NOD1: variants seen among roughly 807,000 people sequenced by gnomAD.
NOD1 encodes the protein nucleotide binding oligomerization domain containing 1.
Under a neutral mutation model 81.2 loss-of-function variants are expected in NOD1, and 70 were observed. The ratio of observed to expected loss-of-function variants is 0.86; its 90% CI spans 0.71 to 1.05. The LOEUF is 1.05. Among genes scored for constraint, NOD1 ranks in the 50% least tolerant of loss-of-function variants. NOD1 has a pLI of 0.00. For synonymous variants in NOD1, 508 were observed against 526.9 expected (o/e 0.96, Z 0.49); for missense variants, 1,233 against 1,228.0 (o/e 1.00, Z -0.06).
Position 30,467,156 on chromosome 7 carries a change from C to T in NOD1, c.-351-7115G>A, listed in dbSNP as rs1787778992. 6.6e-6 allele frequency among the ~76,000 whole-genome samples: 1 copy of T among 152,172 alleles called. No individual in the cohort carries two copies. Among genetic ancestry groups the T allele is most frequent in the African/African-American group, 2.4e-5 (1 of 41,434 alleles). On this transcript the variant is annotated intron_variant, in intron 1 of 13. Transcript: ENST00000222823. The surrounding 1 kb of genome is among the most constrained non-coding windows in gnomAD (Gnocchi z 4.5). ...CAGAAAGAAATATAGAGTATAATAA[C>T]ATTTATATGGCTTGCCCACATCCCC... is the stretch of plus-strand genomic sequence containing the variant.
At chr7:30,446,106 G>C (rs751770147) in intron 9 of NOD1, 35 bp downstream of exon 9, 17 of 1,516,764 alleles carry the variant, frequency 1.1e-5, no homozygotes, top group Non-Finnish European at 1.6e-5. Flanking sequence ...ACACACAGCA[G>C]GTTGTACCAC....
Position 30,468,120 on chromosome 7 carries a change from A to C in NOD1, c.-351-8079T>G, listed in dbSNP as rs189528015. Among the ~76,000 whole-genome samples, 354 of 152,362 alleles carry C rather than the reference A, an allele frequency of 2.3e-3. 2 individuals are homozygous for C. Among genetic ancestry groups the C allele is most frequent in the Non-Finnish European group, 2.9e-3 (196 of 68,038 alleles). On this transcript the variant is annotated intron_variant, in intron 1 of 13. Coordinates refer to ENST00000222823, the MANE Select transcript of NOD1 (RefSeq NM_006092.4). Reference sequence around the variant, plus strand: ...AGTCCCCACAAAAATAGTACAGAGCAAAAGTCAACAATACTGGCTTTCAAG... The same window carrying C: ...AGTCCCCACAAAAATAGTACAGAGCCAAAGTCAACAATACTGGCTTTCAAG...
At chr7:30,429,311 C>A (rs573580405) in intron 13 of NOD1, 63 bp downstream of exon 13, 15 of 1,382,392 alleles carry the variant, frequency 1.1e-5, no homozygotes, top group African/African-American at 8.5e-5. Context: ...GTGCCTTGCA[C>A]AGTCAGTGGT....
chr7:30,462,082 T>A (rs768858950), intron 1 of NOD1, among the ~76,000 whole-genome samples: 76 of 152,148 alleles, frequency 5.0e-4, no homozygotes, highest in Non-Finnish European at 7.8e-4. Context: ...CATCGGCAAC[T>A]CAGTGAGACA....
intron 13 of NOD1, 115 bp downstream of exon 13, chr7:30,429,259 G>A (rs1467978095): frequency 1.2e-6 from 1 of 866,426 alleles, no homozygotes; most frequent in African/African-American, 1.6e-5. Flanking sequence ...TACCATTACT[G>A]TGCAGGGTTG....
intron 1 of NOD1, chr7:30,463,511 T>C (rs1016562007): frequency 6.6e-6 from 1 of 152,452 alleles, no homozygotes; most frequent in African/African-American, 2.4e-5. Flanking sequence ...CCTCAGGAAA[T>C]GATTGACCTA....
intron 1 of NOD1, among the ~76,000 whole-genome samples, chr7:30,472,295 C>A (rs1268471982): frequency 1.3e-5 from 2 of 152,192 alleles, no homozygotes; most frequent in Non-Finnish European, 2.9e-5. Context: ...CCACTCAACA[C>A]ACCCACATCC....
chr7:30,432,481 T>C lies in NOD1; in HGVS notation c.2705+615A>G, dbSNP rs532564816. Among the ~76,000 whole-genome samples, 23 of 152,342 alleles carry C rather than the reference T, an allele frequency of 1.5e-4. No homozygotes were observed. In the East Asian group the frequency reaches 4.1e-3, roughly 27 times the overall value. On this transcript the variant is annotated intron_variant, in intron 12 of 13. Coordinates refer to ENST00000222823, the MANE Select transcript of NOD1 (RefSeq NM_006092.4). The stretch of plus-strand genomic sequence containing the variant: ...GGATGTGGAGAAATTGGAATCCACA[T>C]ACATTGCTGGCGAGAATGTAAAATA...
At chr7:30,455,762 C>T (rs191896669) in intron 4 of NOD1, among the ~76,000 whole-genome samples, 4 of 152,218 alleles carry the variant, frequency 2.6e-5, no homozygotes, top group East Asian at 3.9e-4. Flanking sequence ...CCACCATGCC[C>T]GACTAATTTT....
chr7:30,446,444 T>C, intron 8 of NOD1: 1 of 559,762 alleles, frequency 1.8e-6, no homozygotes, highest in Non-Finnish European at 3.2e-6. Flanking sequence ...GTCCACAGTC[T>C]CTGCAGAAGC....
chr7:30,449,922 G>A (rs1002579206), intron 6 of NOD1, among the ~76,000 whole-genome samples: 4 of 152,300 alleles, frequency 2.6e-5, no homozygotes, highest in Non-Finnish European at 5.9e-5. Flanking sequence ...GTCGGGTGCG[G>A]CGGCTCATGC....
chr7:30,428,384 AC>A (rs1562649325), intron 13 of NOD1: 1 of 151,522 alleles, frequency 6.6e-6, no homozygotes, highest in African/African-American at 2.4e-5. Flanking sequence ...TTAAAAAAAA[AC>A]CTTTTGTCTA....
At chr7:30,428,029 G>A (rs1034663070) in intron 13 of NOD1, among the ~76,000 whole-genome samples, 2 of 152,226 alleles carry the variant, frequency 1.3e-5, no homozygotes, top group African/African-American at 4.8e-5. Context: ...ACAGGCCACA[G>A]GTGTCTGTTT....
At chr7:30,464,504 A>T (rs559496757) in intron 1 of NOD1, among the ~76,000 whole-genome samples, 17 of 152,270 alleles carry the variant, frequency 1.1e-4, no homozygotes, top group African/African-American at 3.9e-4. Flanking sequence ...GTACTAGGGC[A>T]TCAGCATGGA....
rs1005831798 is a variant in NOD1, at chr7:30,424,947, A to C, written c.*691T>G. 3.3e-5 allele frequency: 5 copies of C among 152,474 alleles called. No individual in the cohort carries two copies. The highest frequency in any genetic ancestry group is 5.9e-5 in the Non-Finnish European group (4 of 68,274). 9.4% of individuals were successfully genotyped at this position (152,474 alleles called of 1,614,324 possible). ...GCATTTTGAAGGCATCGTCATTCTT[A>C]GACCAGCTAAGAGCTGAGGGCATTC... On this transcript the variant is annotated 3_prime_UTR_variant, in exon 14 of 14. Transcript: ENST00000222823.
intron 9 of NOD1, among the ~76,000 whole-genome samples, chr7:30,438,353 G>A (rs1784566922): frequency 6.6e-6 from 1 of 152,196 alleles, no homozygotes; most frequent in African/African-American, 2.4e-5. Flanking sequence ...TGAACTTCGG[G>A]AAATTATGTA....
At chr7:30,471,762 C>T (rs1451961568) in intron 1 of NOD1, among the ~76,000 whole-genome samples, 1 of 152,240 alleles carries the variant, frequency 6.6e-6, no homozygotes, top group East Asian at 1.9e-4. Flanking sequence ...CCTCCCTCCA[C>T]TCTTCGGGGT....
intron 3 of NOD1, among the ~76,000 whole-genome samples, chr7:30,457,950 T>C (rs1786557063): frequency 6.6e-6 from 1 of 152,080 alleles, no homozygotes; most frequent in African/African-American, 2.4e-5. Flanking sequence ...GGAAAAGCAA[T>C]AGCCCATGTG....
In NOD1 at chr7:30,448,354, A is replaced by G; in HGVS notation, c.2229T>C (p.Gly743=). 6.2e-7 allele frequency: 1 copy of G among 1,614,082 alleles called. No individual in the cohort carries two copies. ...LRLSVNQITD[G]GVKVLSEELT... Reference sequence around the variant, plus strand: ...GCTCTTCGCTTAGCACCTTTACCCCACCGTCAGTGATCTGGTTTACGCTGA... The same window carrying G: ...GCTCTTCGCTTAGCACCTTTACCCCGCCGTCAGTGATCTGGTTTACGCTGA... Residue 743 remains glycine (G), a synonymous_variant, in exon 7 of 14, where the codon GGT becomes GGC. Transcript: ENST00000222823.
Sources: allele counts gnomAD v4.1 joint callset (sites outside exome capture counted in the v4.1 genomes callset), GRCh38; gene constraint gnomAD v4.1.1; non-coding constraint Gnocchi (gnomAD v3.1); transcripts MANE v1.5; gene names NCBI Gene and HGNC (gene_info 2026-07-23, HGNC 2026-07-21).